Variants in CDS2 observed in about 807,000 individuals in gnomAD.
CDS2 encodes the protein CDP-diacylglycerol synthase 2, also known as phosphatidate cytidylyltransferase 2.
Under a neutral mutation model 59.0 loss-of-function variants are expected in CDS2, and 47 were observed. The observed-to-expected ratio is 0.80, with a 90% CI of 0.63 to 1.02. The LOEUF (loss-of-function observed/expected upper bound fraction) is 1.02, where lower values mean the gene tolerates loss of function less well. Ranked by LOEUF, CDS2 falls within the 50% of genes least tolerant of loss-of-function variation. The pLI is 0.00. For missense variants in CDS2, 356 were observed against 558.9 expected (o/e 0.64, Z 3.66); for synonymous variants, 207 against 206.4 (o/e 1.00, Z -0.02).
At chr20:5,135,179 G>A (rs1435286668) in intron 1 of CDS2, among the ~76,000 whole-genome samples, 1 of 151,972 alleles carries the variant, frequency 6.6e-6, no homozygotes, top group Non-Finnish European at 1.5e-5. Flanking sequence ...CGATCTTCTC[G>A]CCTCGGCCTC....
At chr20:5,179,376 C>T (rs895188475) in intron 5 of CDS2, among the ~76,000 whole-genome samples, 7 of 152,224 alleles carry the variant, frequency 4.6e-5, no homozygotes, top group Admixed American at 2.6e-4. Context: ...CCTGCCTTGG[C>T]CTCCCAAAGT....
chr20:5,163,087 T>G (rs978032919), intron 1 of CDS2, among the ~76,000 whole-genome samples: 3 of 152,162 alleles, frequency 2.0e-5, no homozygotes, highest in Admixed American at 2.0e-4. Context: ...CTCATGCTTA[T>G]TCTCCCAGCA....
intron 1 of CDS2, among the ~76,000 whole-genome samples, chr20:5,171,298 TGACAACAGGATGGATAAGTTA>T (rs2096792908): frequency 6.6e-6 from 1 of 152,204 alleles, no homozygotes; most frequent in Admixed American, 6.5e-5. Flanking sequence ...TGAGTCTCCT[TGACAACAGGATGGATAAGTTA>T]AAAATAACCT....
At chr20:5,161,553 A>G (rs1206119707) in intron 1 of CDS2, among the ~76,000 whole-genome samples, 1 of 152,260 alleles carries the variant, frequency 6.6e-6, no homozygotes, top group African/African-American at 2.4e-5. Context: ...ACTGACACAT[A>G]CTTTGTGTAA....
intron 12 of CDS2, 125 bp downstream of exon 12, chr20:5,189,963 C>A: frequency 7.3e-7 from 1 of 1,362,050 alleles, no homozygotes; most frequent in Non-Finnish European, 1.0e-6. Flanking sequence ...GTTGTTTCTG[C>A]TTACAGATTT....
At chr20:5,136,440 T>C (rs1189099230) in intron 1 of CDS2, among the ~76,000 whole-genome samples, 1 of 152,224 alleles carries the variant, frequency 6.6e-6, no homozygotes, top group Non-Finnish European at 1.5e-5. Flanking sequence ...TGTTGTCTGT[T>C]TGTTGCTCTT....
intron 1 of CDS2, among the ~76,000 whole-genome samples, chr20:5,139,799 C>CTTT (rs141846083): frequency 2.2e-5 from 3 of 135,142 alleles, no homozygotes; most frequent in African/African-American, 5.5e-5. Context: ...TTTCAGCATC[C>CTTT]TTTTTTTTTT....
At chr20:5,144,445 C>T (rs1568530168) in intron 1 of CDS2, among the ~76,000 whole-genome samples, 1 of 152,074 alleles carries the variant, frequency 6.6e-6, no homozygotes. Flanking sequence ...AATGAGGTCG[C>T]CTTAGTGTTG....
At chr20:5,186,969 G>A (rs1460635414) in intron 10 of CDS2, 130 bp downstream of exon 10, 4 of 1,027,130 alleles carry the variant, frequency 3.9e-6, no homozygotes, top group Non-Finnish European at 5.8e-6. Context: ...CAGGATGAAG[G>A]AGAATTGCTC....
At chr20:5,153,626 G>A (rs895589238) in intron 1 of CDS2, among the ~76,000 whole-genome samples, 6 of 152,292 alleles carry the variant, frequency 3.9e-5, no homozygotes, top group East Asian at 3.9e-4. Context: ...TCCCAAGATC[G>A]TATAGCTTGT....
chr20:5,189,695 C>T (rs1034183848), intron 11 of CDS2, 40 bp from the exon 12 acceptor site: 13 of 1,498,930 alleles, frequency 8.7e-6, no homozygotes, highest in Non-Finnish European at 1.1e-5. Flanking sequence ...TGGTTAGTGG[C>T]TGAGCCCAAG....
chr20:5,139,956 C>T (rs989761057), intron 1 of CDS2, among the ~76,000 whole-genome samples: 4 of 152,124 alleles, frequency 2.6e-5, no homozygotes, highest in East Asian at 3.9e-4. Context: ...CCTGCCACCA[C>T]GCCCAGCTAA....
rs2090972598 is a variant in CDS2, at chr20:5,173,597, G to C, written c.132G>C (p.Leu44=). The change falls in exon 2 of 13, where the codon CTG becomes CTC. Residue 44 remains leucine, a synonymous_variant. Transcript: ENST00000460006. ...DSESRAESAP[L]PVSADDTPEV... ...AGAGCCGGGCAGAATCCGCACCCCT[G>C]CCAGTCTCTGCAGATGATACCCCGG... 6.2e-7 allele frequency: 1 copy of C among 1,614,090 alleles called. No individual in the cohort carries two copies. The highest frequency in any genetic ancestry group is 1.7e-5 in the Admixed American group (1 of 60,014).
intron 5 of CDS2, among the ~76,000 whole-genome samples, chr20:5,182,150 G>A (rs766029387): frequency 1.3e-5 from 2 of 152,224 alleles, no homozygotes; most frequent in African/African-American, 4.8e-5. Context: ...CATGTTCTAA[G>A]TTTAGTGTGG....
intron 1 of CDS2, among the ~76,000 whole-genome samples, chr20:5,143,767 C>CTTCT (rs2090716085): frequency 9.8e-6 from 1 of 102,522 alleles, no homozygotes; most frequent in African/African-American, 4.0e-5. Context: ...TCTTCTTCTT[C>CTTCT]TTTTTTTTTT....
intron 1 of CDS2, among the ~76,000 whole-genome samples, chr20:5,151,154 A>G (rs2090786026): frequency 6.6e-6 from 1 of 152,220 alleles, no homozygotes; most frequent in Non-Finnish European, 1.5e-5. Context: ...GTTTATTTTT[A>G]GTGTTGAAAT....
At chr20:5,172,129 A>T (rs1323246103) in intron 1 of CDS2, among the ~76,000 whole-genome samples, 5 of 152,266 alleles carry the variant, frequency 3.3e-5, no homozygotes, top group South Asian at 2.1e-4. Context: ...CTCTTCTTCC[A>T]TCCATTAGTA....
intron 1 of CDS2, among the ~76,000 whole-genome samples, chr20:5,158,627 A>C (rs181243274): frequency 9.8e-5 from 15 of 152,328 alleles, no homozygotes; most frequent in Admixed American, 7.8e-4. Flanking sequence ...TTCTATTAAC[A>C]GTAAAGCTTG....
chr20:5,188,942 C>T lies in CDS2; in HGVS notation c.982-125C>T, dbSNP rs74451109. 587 of 1,210,406 alleles carry T rather than the reference C, an allele frequency of 4.8e-4. 1 individual carries two copies. In the African/African-American group the frequency reaches 7.4e-3, roughly 15 times the overall value. 75.0% of individuals were successfully genotyped at this position (1,210,406 alleles called of 1,614,324 possible). On this transcript the variant is annotated intron_variant, in intron 10 of 12. Transcript: ENST00000460006. ...GGATTTGCCCCTGTGACCCAAACAC[C>T]TCCCACTAGGCATCACCTCCCAGTG...
Sources: allele counts gnomAD v4.1 joint callset (sites outside exome capture counted in the v4.1 genomes callset), GRCh38; gene constraint gnomAD v4.1.1; transcripts MANE v1.5; gene names NCBI Gene and HGNC (gene_info 2026-07-23, HGNC 2026-07-21).